Variants in LRRC7 observed in about 807,000 individuals in gnomAD.
LRRC7 encodes leucine rich repeat containing 7, also known as leucine-rich repeat-containing protein 7.
Under a neutral mutation model 175.7 loss-of-function variants are expected in LRRC7, and 23 were observed. The ratio of observed to expected loss-of-function variants is 0.13; its 90% CI spans 0.09 to 0.19. The LOEUF is 0.19. Ranked by LOEUF, LRRC7 falls within the 10% of genes least tolerant of loss-of-function variation. The probability of loss-of-function intolerance (pLI) is 1.00; values close to 1 mark genes in which losing one functional copy is unlikely to be tolerated. For synonymous variants in LRRC7, 685 were observed against 680.9 expected (o/e 1.01, Z -0.09); for missense variants, 1,354 against 1,904.7 (o/e 0.71, Z 5.38).
chr1:69,592,204 A>G (rs992763425), intron 1 of LRRC7, among the ~76,000 whole-genome samples: 1 of 152,006 alleles, frequency 6.6e-6, no homozygotes, highest in Non-Finnish European at 1.5e-5. Flanking sequence ...CCCACAACAC[A>G]TGTACTGTAT....
chr1:70,053,145 G>A lies in LRRC7; in HGVS notation c.4230G>A (p.Lys1410=). ...TACCTCCGGACACCATTACTAAGAA[G>A]GTAACCAATTTTTAATTAACAAGAC... The part of the protein sequence containing the change: ...RDVPPDTITK[K]AGSHIQTLMG... Residue 1410 remains lysine (K), a splice_region_variant and synonymous_variant, in exon 23 of 27, where the codon AAG becomes AAA. Coordinates refer to ENST00000651989, the MANE Select transcript of LRRC7 (RefSeq NM_001370785.2). 1 of 1,597,190 alleles carries A rather than the reference G, an allele frequency of 6.3e-7. No homozygotes were observed. Among genetic ancestry groups the A allele is most frequent in the Non-Finnish European group, 8.5e-7 (1 of 1,172,368 alleles).
intron 7 of LRRC7, among the ~76,000 whole-genome samples, chr1:69,868,665 A>C (rs1256447630): frequency 6.6e-6 from 1 of 152,130 alleles, no homozygotes; most frequent in African/African-American, 2.4e-5. Context: ...CTCTTGAAGA[A>C]ATATACATAA....
intron 2 of LRRC7, among the ~76,000 whole-genome samples, chr1:69,684,868 T>C (rs1429225624): frequency 2.0e-5 from 3 of 152,154 alleles, no homozygotes; most frequent in African/African-American, 4.8e-5. Flanking sequence ...GCAGTTCAAT[T>C]CACCTGCAGA....
rs1667142364 is a variant in LRRC7, at chr1:70,143,131, T to C, written c.*21244T>C. On this transcript the variant is annotated 3_prime_UTR_variant, in exon 27 of 27. Coordinates refer to ENST00000651989, the MANE Select transcript of LRRC7 (RefSeq NM_001370785.2). ...TGAAATATTTCACTCTTCTGTAAGT[T>C]TAAGAAAAATTCCTAAGCAGTGATA... The C allele has an allele frequency of 6.6e-6, 1 of 152,004 alleles. No homozygotes were observed. 9.4% of individuals were successfully genotyped at this position (152,004 alleles called of 1,614,324 possible).
chr1:70,039,158 A>C lies in LRRC7; in HGVS notation c.3334A>C (p.Arg1112=), dbSNP rs745554902. The C allele has an allele frequency of 6.8e-6, 11 of 1,614,188 alleles. No homozygotes were observed. Among genetic ancestry groups the C allele is most frequent in the South Asian group, 1.1e-5 (1 of 91,084 alleles). The part of the protein sequence containing the change: ...KNIAKDLISP[R]AYRGYPPMEQ... The stretch of plus-strand genomic sequence containing the variant: ...CATCGCCAAGGATTTGATTAGTCCT[A>C]GAGCTTACAGAGGATACCCACCGAT... Residue 1112 remains arginine (R), a synonymous_variant, in exon 21 of 27, where the codon AGA becomes CGA. Transcript: ENST00000651989.
At chr1:69,649,818 G>A (rs906764973) in intron 1 of LRRC7, among the ~76,000 whole-genome samples, 5 of 151,702 alleles carry the variant, frequency 3.3e-5, no homozygotes, top group Non-Finnish European at 1.5e-5. Context: ...ACGGCTTAAG[G>A]GTGGTAAAGA....
chr1:69,695,277 A>G (rs1458926292), intron 2 of LRRC7, among the ~76,000 whole-genome samples: 3 of 152,222 alleles, frequency 2.0e-5, no homozygotes, highest in Non-Finnish European at 4.4e-5. Context: ...GTTTGAACTT[A>G]TGAGTGATGA....
chr1:70,143,885 T>TAA lies in LRRC7; in HGVS notation c.*22001_*22002dup, dbSNP rs1224396765. The TAA allele has an allele frequency of 6.6e-6, 1 of 152,218 alleles. No individual in the cohort carries two copies. Among genetic ancestry groups the TAA allele is most frequent in the Non-Finnish European group, 1.5e-5 (1 of 68,038 alleles). The allele number at this position is 152,218 out of a possible 1,614,324, so 9.4% of individuals were successfully genotyped here. A position where few individuals can be genotyped will look rare whatever the true frequency, so the allele number is the denominator to read the frequency against. On this transcript the variant is annotated 3_prime_UTR_variant, in exon 27 of 27. Transcript: ENST00000651989. ...GTTAAAAAGACTACTATATCACAAT[T>TAA]AAAAGTACTTTTTAGTTGAACTACA...
intron 1 of LRRC7, among the ~76,000 whole-genome samples, chr1:69,653,265 G>A (rs1656123771): frequency 7.5e-6 from 1 of 133,478 alleles, no homozygotes; most frequent in South Asian, 2.7e-4. Context: ...ATTTAAAAGT[G>A]GGCAAATAAT....
chr1:69,919,772 CG>C, intron 7 of LRRC7: 2 of 928,998 alleles, frequency 2.2e-6, no homozygotes, highest in South Asian at 1.5e-5. Flanking sequence ...GTTTGCGCGG[CG>C]GACGGGGGAG....
At chr1:69,892,511 G>A (rs920950602) in intron 7 of LRRC7, among the ~76,000 whole-genome samples, 4 of 152,078 alleles carry the variant, frequency 2.6e-5, no homozygotes, top group Admixed American at 6.6e-5. Flanking sequence ...AATTCCTTCT[G>A]GTACTGTAAT....
intron 24 of LRRC7, among the ~76,000 whole-genome samples, chr1:70,076,746 T>A (rs17131181): frequency 0.026 from 3,922 of 152,282 alleles, 115 homozygotes; most frequent in African/African-American, 0.071. Flanking sequence ...GATTGTTGAA[T>A]GGTGCAGAGA....
intron 4 of LRRC7, among the ~76,000 whole-genome samples, chr1:69,811,040 TA>T (rs1194134670): frequency 6.6e-6 from 1 of 152,180 alleles, no homozygotes; most frequent in Non-Finnish European, 1.5e-5. Flanking sequence ...AAAGGGCTAA[TA>T]TCCAGAATCT....
intron 1 of LRRC7, among the ~76,000 whole-genome samples, chr1:69,623,393 C>A (rs1650951946): frequency 6.6e-6 from 1 of 151,338 alleles, no homozygotes; most frequent in African/African-American, 2.4e-5. Flanking sequence ...AGAAAATGAA[C>A]ATTTTAATCT....
rs114577813 is a variant in LRRC7, at chr1:69,911,708, G to T, written c.648-19799G>T. Among the ~76,000 whole-genome samples, 558 of 152,240 alleles carry T rather than the reference G, an allele frequency of 3.7e-3. 3 individuals carry two copies. Among genetic ancestry groups the T allele is most frequent in the African/African-American group, 0.013 (528 of 41,546 alleles). On this transcript the variant is annotated intron_variant, in intron 7 of 26. Transcript: ENST00000651989. ...ATTTCTCATCTCTGATGCAGGGCAG[G>T]TTCTGCTGGCAAGTAAGAAAGGTAG...
chr1:69,687,298 C>T (rs1239891125), intron 2 of LRRC7, among the ~76,000 whole-genome samples: 5 of 151,980 alleles, frequency 3.3e-5, no homozygotes, highest in South Asian at 4.1e-4. Context: ...CACCAGAGGT[C>T]GGGAATTCGA....
intron 2 of LRRC7, among the ~76,000 whole-genome samples, chr1:69,744,819 T>C: frequency 6.6e-6 from 1 of 151,970 alleles, no homozygotes; most frequent in Middle Eastern, 3.4e-3. Flanking sequence ...AAATATTTTT[T>C]CCCATTTATC....
chr1:70,144,163 G>T lies in LRRC7; in HGVS notation c.*22276G>T, dbSNP rs547468985. Reference sequence around the variant, plus strand: ...TATGTACTGACACTAATTGGTAAAGGTGTACAATGTGATTAGAATGCATTT... The same window carrying T: ...TATGTACTGACACTAATTGGTAAAGTTGTACAATGTGATTAGAATGCATTT... On this transcript the variant is annotated 3_prime_UTR_variant, in exon 27 of 27. Transcript: ENST00000651989. 1.7e-4 allele frequency: 26 copies of T among 152,276 alleles called. No individual in the cohort carries two copies. Among genetic ancestry groups the T allele is most frequent in the Non-Finnish European group, 1.5e-4 (10 of 68,026 alleles). 9.4% of individuals were successfully genotyped at this position (152,276 alleles called of 1,614,324 possible).
chr1:70,076,090 T>G lies in LRRC7; in HGVS notation c.4244T>G (p.Ile1415Ser), dbSNP rs1353798956. The G allele has an allele frequency of 5.6e-6, 9 of 1,613,526 alleles. No homozygotes were observed. Among genetic ancestry groups the G allele is most frequent in the Non-Finnish European group, 7.6e-6 (9 of 1,179,938 alleles). ...TCTTCTCCACAGGCAGGCAGCCACA[T>G]CCAGACGTTGATGGGGTCCCAAAGC... Reference protein sequence around the residue: ...DTITKKAGSHIQTLMGSQSLQ... With the variant: ...DTITKKAGSHSQTLMGSQSLQ... Residue 1415 changes from isoleucine (I) to serine (S), a missense_variant, in exon 24 of 27, where the codon ATC becomes AGC. Around this residue, in one of 4 missense-constraint regions of LRRC7, gnomAD observed 1,032 missense variants for 1,227.2 expected, o/e 0.84. Transcript: ENST00000651989.
Sources: allele counts gnomAD v4.1 joint callset (sites outside exome capture counted in the v4.1 genomes callset), GRCh38; gene constraint gnomAD v4.1.1; regional missense constraint gnomAD v4.1.1; transcripts MANE v1.5; gene names NCBI Gene and HGNC (gene_info 2026-07-23, HGNC 2026-07-21).